The following DAB1 variants were observed in gnomAD, a reference collection of about 807,000 sequenced individuals.
DAB1 encodes the protein DAB adaptor protein 1.
DAB1 carries 15 observed loss-of-function variants against 64.6 expected under a neutral mutation model. The ratio of observed to expected loss-of-function variants is 0.23; its 90% confidence interval spans 0.16 to 0.36. The LOEUF is 0.36. Among genes scored for constraint, DAB1 ranks in the 10% least tolerant of loss-of-function variants. The pLI is 1.00. For synonymous variants in DAB1, 235 were observed against 251.9 expected (o/e 0.93, Z 0.64); for missense variants, 596 against 706.7 (o/e 0.84, Z 1.78).
intron 7 of DAB1, among the ~76,000 whole-genome samples, chr1:57,535,188 A>G (rs1644711150): frequency 6.6e-6 from 1 of 152,176 alleles, no homozygotes. Flanking sequence ...AGCTACAATA[A>G]TTGTATTTAA....
At chr1:57,155,436 G>T (rs1660120589) in intron 2 of DAB1, among the ~76,000 whole-genome samples, 1 of 151,896 alleles carries the variant, frequency 6.6e-6, no homozygotes, top group African/African-American at 2.4e-5. Flanking sequence ...TAGCTCTGTA[G>T]TATAATTTGA....
At chr1:57,034,305 C>T (rs975769742) in intron 9 of DAB1, among the ~76,000 whole-genome samples, 1 of 125,058 alleles carries the variant, frequency 8.0e-6, no homozygotes, top group African/African-American at 3.2e-5. Context: ...ATGCTCCTCC[C>T]CTCATCTCTG....
intron 9 of DAB1, among the ~76,000 whole-genome samples, chr1:57,059,116 A>C (rs1014351083): frequency 6.6e-6 from 1 of 152,214 alleles, no homozygotes; most frequent in Non-Finnish European, 1.5e-5. Flanking sequence ...GCACTGCCTG[A>C]AATAGCAACA....
At chr1:58,168,973 G>C (rs1465804500) in intron 4 of DAB1, among the ~76,000 whole-genome samples, 1 of 152,142 alleles carries the variant, frequency 6.6e-6, no homozygotes, top group South Asian at 2.1e-4. Flanking sequence ...GCAGGTTTTC[G>C]AGAATGCATT....
chr1:57,301,757 C>T (rs530604858), intron 1 of DAB1, among the ~76,000 whole-genome samples: 3 of 152,302 alleles, frequency 2.0e-5, no homozygotes, highest in Non-Finnish European at 4.4e-5. Context: ...CAACAGATGA[C>T]CCCAAGCTGC....
intron 4 of DAB1, among the ~76,000 whole-genome samples, chr1:58,340,921 T>C (rs1643923533): frequency 6.6e-6 from 1 of 152,192 alleles, no homozygotes; most frequent in Non-Finnish European, 1.5e-5. Context: ...GTCGAGAATG[T>C]TTGTTGAAAT....
chr1:58,506,584 C>G (rs551273292), intron 2 of DAB1, among the ~76,000 whole-genome samples: 19 of 152,148 alleles, frequency 1.2e-4, no homozygotes, highest in African/African-American at 4.3e-4. Flanking sequence ...TCACAATAAC[C>G]CTGCTAACCA....
intron 6 of DAB1, among the ~76,000 whole-genome samples, chr1:57,690,445 C>G (rs572101407): frequency 2.0e-5 from 3 of 152,070 alleles, no homozygotes; most frequent in Non-Finnish European, 2.9e-5. Context: ...TAGCATCTCC[C>G]CCTTCTCTCT....
At chr1:58,485,466 ACTT>A (rs368338421) in intron 3 of DAB1, among the ~76,000 whole-genome samples, 155 of 152,026 alleles carry the variant, frequency 1.0e-3, no homozygotes, top group East Asian at 7.2e-3. Context: ...TTCTATCACT[ACTT>A]CTTCATGTGT....
intron 4 of DAB1, among the ~76,000 whole-genome samples, chr1:58,167,775 A>T (rs1173754680): frequency 6.6e-6 from 1 of 152,192 alleles, no homozygotes. Flanking sequence ...CACCTTTAAG[A>T]GTTGTAACAC....
chr1:57,129,955 G>C, intron 4 of DAB1, among the ~76,000 whole-genome samples: 1 of 151,824 alleles, frequency 6.6e-6, no homozygotes, highest in African/African-American at 2.4e-5. Context: ...TTTACCTTCA[G>C]TGACCGATTA....
intron 2 of DAB1, among the ~76,000 whole-genome samples, chr1:57,157,636 T>G (rs1183299093): frequency 6.6e-6 from 1 of 152,016 alleles, no homozygotes; most frequent in Non-Finnish European, 1.5e-5. Flanking sequence ...ACAAAGCCAC[T>G]AATCCCATCA....
At chr1:58,491,581 A>C (rs976734829) in intron 3 of DAB1, among the ~76,000 whole-genome samples, 8 of 152,166 alleles carry the variant, frequency 5.3e-5, no homozygotes, top group African/African-American at 1.9e-4. Flanking sequence ...TCTACCAAGC[A>C]AATGGAAAAC....
intron 7 of DAB1, among the ~76,000 whole-genome samples, chr1:57,574,116 T>C (rs1645222283): frequency 6.6e-6 from 1 of 152,220 alleles, no homozygotes. Context: ...TCCAAACTTT[T>C]GTTCAACTAA....
chr1:57,428,861 C>A (rs796418550), upstream of DAB1, among the ~76,000 whole-genome samples: 81 of 126,916 alleles, frequency 6.4e-4, 1 homozygote, highest in African/African-American at 2.0e-3. Context: ...AAAAAAAAAA[C>A]AGCAACCAAA....
At chr1:58,182,787 T>C (rs1656868126) in intron 4 of DAB1, among the ~76,000 whole-genome samples, 1 of 152,086 alleles carries the variant, frequency 6.6e-6, no homozygotes, top group African/African-American at 2.4e-5. Context: ...GAAGTCCAAA[T>C]CTGTACCCGT....
chr1:57,991,552 A>G (rs984538170), intron 5 of DAB1, among the ~76,000 whole-genome samples: 12 of 152,150 alleles, frequency 7.9e-5, no homozygotes, highest in Non-Finnish European at 1.5e-4. Context: ...GGAGAGGCAT[A>G]GGAGCAAGCC....
At chr1:58,156,451 T>C (rs115755178) in intron 4 of DAB1, among the ~76,000 whole-genome samples, 2,614 of 152,322 alleles carry the variant, frequency 0.017, 33 homozygotes, top group Middle Eastern at 0.031. Flanking sequence ...CACCCTCTAT[T>C]TCCACTCACT....
intron 2 of DAB1, among the ~76,000 whole-genome samples, chr1:57,265,709 G>A (rs12081310): frequency 0.073 from 11,058 of 152,152 alleles, 1,357 homozygotes; most frequent in African/African-American, 0.25. Flanking sequence ...ACCAGCACTC[G>A]TGGACGGCCA....
Sources: gnomAD v4.1 joint callset for allele counts (sites outside exome capture counted in the v4.1 genomes callset) on GRCh38, gnomAD v4.1.1 for gene constraint, MANE v1.5 for transcripts, NCBI Gene and HGNC (gene_info 2026-07-23, HGNC 2026-07-21) for gene names.